GREB1: variants seen among roughly 807,000 people sequenced by gnomAD.
GREB1 encodes growth regulating estrogen receptor binding 1.
A neutral mutation model predicts 200.7 loss-of-function variants in GREB1; 106 were observed. The observed-to-expected ratio is 0.53, with a 90% CI of 0.45 to 0.62. The LOEUF (loss-of-function observed/expected upper bound fraction) is 0.62, where lower values mean the gene tolerates loss of function less well. GREB1 is among the 20% of genes least tolerant of loss of function. GREB1 has a pLI of 0.00. For synonymous variants in GREB1, 1,132 were observed against 1,092.4 expected (o/e 1.04, Z -0.72); for missense variants, 2,243 against 2,556.8 (o/e 0.88, Z 2.65).
chr2:11,494,829 A>G (rs1672845324), intron 1 of GREB1, among the ~76,000 whole-genome samples: 1 of 152,182 alleles, frequency 6.6e-6, no homozygotes, highest in Non-Finnish European at 1.5e-5. Flanking sequence ...GCGAGTTTAC[A>G]CCGCAGGTGC....
chr2:11,633,750 C>A lies in GREB1; in HGVS notation c.4992-381C>A, dbSNP rs776399052. Among the ~76,000 whole-genome samples the A allele has an allele frequency of 1.2e-4, 18 of 152,124 alleles. No individual in the cohort carries two copies. Among genetic ancestry groups the A allele is most frequent in the Admixed American group, 3.3e-4 (5 of 15,280 alleles). On this transcript the variant is annotated intron_variant, in intron 28 of 32. Coordinates refer to ENST00000381486, the MANE Select transcript of GREB1 (RefSeq NM_014668.4). The surrounding 1 kb of genome is among the most constrained non-coding windows in gnomAD (Gnocchi z 4.1). ...GGACATTGCTGCCCCCCCAGAAACTCCCTTCCTGCTGCCCCAGCCCCACCC... is the reference window on the plus strand; with the variant it reads ...GGACATTGCTGCCCCCCCAGAAACTACCTTCCTGCTGCCCCAGCCCCACCC...
Position 11,640,481 on chromosome 2 carries a change from A to T in GREB1, c.*27A>T. The T allele has an allele frequency of 6.2e-7, 1 of 1,612,982 alleles. No homozygotes were observed. The highest frequency in any genetic ancestry group is 8.5e-7 in the Non-Finnish European group (1 of 1,179,360). On this transcript the variant is annotated 3_prime_UTR_variant, in exon 33 of 33. Coordinates refer to ENST00000381486, the MANE Select transcript of GREB1 (RefSeq NM_014668.4). This position sits in a 1 kb window ranked among gnomAD's most constrained non-coding sequence, Gnocchi z 4.6. Reference sequence around the variant, plus strand: ...GAAGACAGCGGCGAGTTTTCTGAAGAGATGAGTGCTCAGAGCCCTCATGCT... The same window carrying T: ...GAAGACAGCGGCGAGTTTTCTGAAGTGATGAGTGCTCAGAGCCCTCATGCT...
rs1683771603 is a variant in GREB1 at position 11,618,994 on chromosome 2, G to A, written c.4044+75G>A. On this transcript the variant is annotated intron_variant, in intron 22 of 32. Transcript: ENST00000381486. ...ACACTCCCATCTGGAGGGCAGGCCT[G>A]GGGGTGACCGCACCCACGTCTTCAC... 3.0e-6 allele frequency: 4 copies of A among 1,313,112 alleles called. No individual in the cohort carries two copies. In the South Asian group the frequency reaches 6.2e-5, roughly 20 times the overall value. The allele number at this position is 1,313,112 out of a possible 1,614,324, so 81.3% of individuals were successfully genotyped here. A position where few individuals can be genotyped will look rare whatever the true frequency, so the allele number is the denominator to read the frequency against.
chr2:11,617,401 C>T (rs1683509901), intron 21 of GREB1, among the ~76,000 whole-genome samples: 1 of 152,228 alleles, frequency 6.6e-6, no homozygotes, highest in Admixed American at 6.5e-5. Context: ...CTATCTGGAT[C>T]AGCACTGAAG....
chr2:11,596,102 C>T lies in GREB1; in HGVS notation c.1826-9C>T. ...TCAAAAACCCATTTGTTTATTCTGT[C>T]TTGGGCAGAGGGTGACATTGACATT... On this transcript the variant is annotated splice_polypyrimidine_tract_variant and intron_variant, in intron 12 of 32. Coordinates refer to ENST00000381486, the MANE Select transcript of GREB1 (RefSeq NM_014668.4). 2.5e-6 allele frequency: 4 copies of T among 1,611,146 alleles called. No homozygotes were observed. The highest frequency in any genetic ancestry group is 2.2e-5 in the South Asian group (2 of 90,430).
chr2:11,544,597 G>A (rs1441111757), intron 1 of GREB1, among the ~76,000 whole-genome samples: 1 of 152,116 alleles, frequency 6.6e-6, no homozygotes, highest in Non-Finnish European at 1.5e-5. Context: ...GGAGGGGAGG[G>A]GTCGCTCTAA....
chr2:11,588,068 A>T, intron 9 of GREB1: 1 of 590,594 alleles, frequency 1.7e-6, no homozygotes, highest in Non-Finnish European at 2.1e-6. Flanking sequence ...TCTACTAAAA[A>T]TACAAAAATT....
chr2:11,584,844 A>G (rs1355230024), intron 7 of GREB1: 7 of 190,148 alleles, frequency 3.7e-5, no homozygotes, highest in Non-Finnish European at 6.4e-5. Context: ...GCTTGAGTCC[A>G]GGAGTTCTGG....
chr2:11,537,691 A>G (rs1431777711), intron 1 of GREB1, among the ~76,000 whole-genome samples: 2 of 147,546 alleles, frequency 1.4e-5, no homozygotes, highest in Non-Finnish European at 3.0e-5. Flanking sequence ...TATATATTAC[A>G]TAAATATCAT....
chr2:11,610,390 T>A (rs1682811146), intron 17 of GREB1, among the ~76,000 whole-genome samples: 1 of 152,236 alleles, frequency 6.6e-6, no homozygotes, highest in South Asian at 2.1e-4. Flanking sequence ...CATTTATTCA[T>A]CTGCTCATTC....
rs1011805646 is a variant in GREB1 at position 11,632,530 on chromosome 2, G to T, written c.4817-359G>T. Among the ~76,000 whole-genome samples, 107 of 152,064 alleles carry T rather than the reference G, an allele frequency of 7.0e-4. 1 individual carries two copies. The highest frequency in any genetic ancestry group is 2.5e-3 in the African/African-American group (103 of 41,490). On this transcript the variant is annotated intron_variant, in intron 27 of 32. Coordinates refer to ENST00000381486, the MANE Select transcript of GREB1 (RefSeq NM_014668.4). Reference sequence around the variant, plus strand: ...ATTTTTGTGTTTTTGTAGAGACGGGGTTTCACCATGTTGGCCAGGCTGGTC... The same window carrying T: ...ATTTTTGTGTTTTTGTAGAGACGGGTTTTCACCATGTTGGCCAGGCTGGTC...
At chr2:11,508,965 C>T (rs1419549670) in intron 1 of GREB1, among the ~76,000 whole-genome samples, 1 of 150,912 alleles carries the variant, frequency 6.6e-6, no homozygotes, top group African/African-American at 2.4e-5. Flanking sequence ...AGCTCCGCCT[C>T]CCGGGTTCAC....
chr2:11,518,755 A>G (rs1368723556), intron 1 of GREB1, among the ~76,000 whole-genome samples: 1 of 151,768 alleles, frequency 6.6e-6, no homozygotes, highest in Non-Finnish European at 1.5e-5. Flanking sequence ...TACAAAAAAA[A>G]AAAAAAGAAA....
chr2:11,542,081 C>T (rs527967284), intron 1 of GREB1, among the ~76,000 whole-genome samples: 23 of 152,166 alleles, frequency 1.5e-4, no homozygotes, highest in East Asian at 9.7e-4. Flanking sequence ...TCCTGTGTCT[C>T]GGTGAGGTTC....
intron 9 of GREB1, chr2:11,587,538 T>C: frequency 1.3e-6 from 2 of 1,548,088 alleles, no homozygotes; most frequent in Admixed American, 3.9e-5. Context: ...AGCAAGTGTT[T>C]GGCAAGCCCT....
At chr2:11,610,095 C>T (rs557664198) in intron 17 of GREB1, among the ~76,000 whole-genome samples, 23 of 152,328 alleles carry the variant, frequency 1.5e-4, no homozygotes, top group African/African-American at 5.3e-4. Context: ...TGTGGGGACA[C>T]AGATAGTAAC....
chr2:11,528,626 C>G (rs1204205417), intron 1 of GREB1, among the ~76,000 whole-genome samples: 1 of 152,120 alleles, frequency 6.6e-6, no homozygotes, highest in Non-Finnish European at 1.5e-5. Context: ...CTCAGCCTCC[C>G]AAGTAGAATA....
rs556893510 is a variant in GREB1, at chr2:11,541,270, A to G, written c.-162+7016A>G. 6.6e-5 allele frequency among the ~76,000 whole-genome samples: 10 copies of G among 152,120 alleles called. No individual in the cohort carries two copies. The East Asian group carries it at 1.9e-3, about 29-fold the overall frequency. ...GGCAGTGAGGCAGAAAGGGAAGGGA[A>G]AGGGAGGCCGGGCAGGAAGCCAGGG... On this transcript the variant is annotated intron_variant, in intron 1 of 32. Transcript: ENST00000381486.
intron 1 of GREB1, among the ~76,000 whole-genome samples, chr2:11,515,605 G>A (rs1673471346): frequency 6.6e-6 from 1 of 152,100 alleles, no homozygotes; most frequent in African/African-American, 2.4e-5. Flanking sequence ...GGCGGGGGGA[G>A]GGCAGGGGCA....
Sources: allele counts gnomAD v4.1 joint callset (sites outside exome capture counted in the v4.1 genomes callset), GRCh38; gene constraint gnomAD v4.1.1; non-coding constraint Gnocchi (gnomAD v3.1); transcripts MANE v1.5; gene names NCBI Gene and HGNC (gene_info 2026-07-23, HGNC 2026-07-21).